CNTLN: variants seen among roughly 807,000 people sequenced by gnomAD.
CNTLN encodes centlein, centrosomal protein.
Under a neutral mutation model 180.0 loss-of-function variants are expected in CNTLN, and 212 were observed. The observed-to-expected ratio is 1.18, with a 90% CI of 1.05 to 1.32. The LOEUF is 1.32. Ranked by LOEUF, CNTLN falls within the 40% of genes most tolerant of loss-of-function variation. The pLI, the probability that CNTLN is intolerant of heterozygous loss-of-function variation, is 0.00. For missense variants in CNTLN, 2,095 were observed against 1,610.9 expected (o/e 1.30, Z -5.14); for synonymous variants, 722 against 563.1 (o/e 1.28, Z -3.99).
At chr9:17,453,534 C>T (rs1476007149) in intron 18 of CNTLN, among the ~76,000 whole-genome samples, 1 of 152,094 alleles carries the variant, frequency 6.6e-6, no homozygotes, top group African/African-American at 2.4e-5. Flanking sequence ...TATTAATTTT[C>T]TGTGCTACAA....
intron 13 of CNTLN, among the ~76,000 whole-genome samples, chr9:17,374,889 G>A (rs1824626350): frequency 1.3e-5 from 2 of 151,842 alleles, no homozygotes; most frequent in South Asian, 4.2e-4. Flanking sequence ...AAGTAGAGCT[G>A]TGATATGATC....
At chr9:17,300,761 C>T (rs1420773119) in intron 7 of CNTLN, 1 of 157,158 alleles carries the variant, frequency 6.4e-6, no homozygotes, top group Non-Finnish European at 1.4e-5. Context: ...TCCGACTCTA[C>T]ATTACCTCTC....
intron 23 of CNTLN, 130 bp downstream of exon 23, chr9:17,467,021 ATT>A: frequency 1.9e-6 from 1 of 518,636 alleles, no homozygotes; most frequent in Non-Finnish European, 3.3e-6. Context: ...CTTCTACCCT[ATT>A]TATCACATTG....
chr9:17,410,354 C>T (rs1434708671), intron 16 of CNTLN, among the ~76,000 whole-genome samples: 1 of 152,014 alleles, frequency 6.6e-6, no homozygotes, highest in Non-Finnish European at 1.5e-5. Context: ...TAGTAAATTG[C>T]CTCTTCAAGT....
the CNTLN span, among the ~76,000 whole-genome samples, chr9:17,515,539 T>C: frequency 6.6e-6 from 1 of 152,160 alleles, no homozygotes; most frequent in African/African-American, 2.4e-5. Context: ...GAGCTGAATT[T>C]GTGCTGCATT....
intron 2 of CNTLN, among the ~76,000 whole-genome samples, chr9:17,145,320 A>C (rs1306816949): frequency 6.6e-6 from 1 of 152,220 alleles, no homozygotes; most frequent in African/African-American, 2.4e-5. Context: ...GGAAACGATA[A>C]GTGGCATTTA....
At chr9:17,141,312 G>T (rs1227466709) in intron 1 of CNTLN, among the ~76,000 whole-genome samples, 1 of 152,146 alleles carries the variant, frequency 6.6e-6, no homozygotes, top group African/African-American at 2.4e-5. Context: ...CTGGAAAAGG[G>T]GTTGCTAGAG....
chr9:17,411,863 G>A (rs911036128), intron 16 of CNTLN, among the ~76,000 whole-genome samples: 1 of 152,126 alleles, frequency 6.6e-6, no homozygotes, highest in Admixed American at 6.5e-5. Flanking sequence ...TTAAGAACCG[G>A]TGACTCCCTC....
intron 9 of CNTLN, 133 bp downstream of exon 9, chr9:17,330,941 G>T (rs1036028189): frequency 1.4e-6 from 1 of 734,174 alleles, no homozygotes; most frequent in African/African-American, 1.8e-5. Flanking sequence ...ATTATGTACC[G>T]AACTCTTGTT....
At chr9:17,413,563 C>G (rs1449361987) in intron 16 of CNTLN, among the ~76,000 whole-genome samples, 1 of 152,010 alleles carries the variant, frequency 6.6e-6, no homozygotes, top group Admixed American at 6.6e-5. Context: ...CAAAACTTAA[C>G]AGGAAGAAAT....
intron 2 of CNTLN, among the ~76,000 whole-genome samples, chr9:17,210,332 C>T (rs181317783): frequency 1.4e-4 from 21 of 152,164 alleles, no homozygotes; most frequent in African/African-American, 3.1e-4. Context: ...TTTGTCCTTG[C>T]GATAGTTTGC....
At chr9:17,468,150 A>G (rs1464180732) in intron 23 of CNTLN, among the ~76,000 whole-genome samples, 1 of 151,646 alleles carries the variant, frequency 6.6e-6, no homozygotes. Flanking sequence ...AGGAAAAACC[A>G]ACACCACATG....
intron 12 of CNTLN, among the ~76,000 whole-genome samples, chr9:17,360,117 A>G (rs1823245121): frequency 6.6e-6 from 1 of 152,144 alleles, no homozygotes; most frequent in African/African-American, 2.4e-5. Flanking sequence ...GTGCCTTACA[A>G]ATTTTGAAGT....
intron 6 of CNTLN, among the ~76,000 whole-genome samples, chr9:17,274,939 G>C (rs563507596): frequency 5.3e-5 from 8 of 152,182 alleles, no homozygotes; most frequent in African/African-American, 1.7e-4. Flanking sequence ...AATGAATTAG[G>C]ACATTAACAG....
chr9:17,251,805 C>G (rs1826159578), intron 5 of CNTLN, among the ~76,000 whole-genome samples: 1 of 151,800 alleles, frequency 6.6e-6, no homozygotes, highest in Non-Finnish European at 1.5e-5. Flanking sequence ...GTATAGGAAC[C>G]TGAGTGTGCT....
intron 19 of CNTLN, among the ~76,000 whole-genome samples, chr9:17,458,158 T>A (rs965237196): frequency 1.3e-5 from 2 of 150,158 alleles, no homozygotes; most frequent in South Asian, 2.1e-4. Flanking sequence ...TCCTTCTCTG[T>A]CTCCAACCAA....
chr9:17,415,181 G>C (rs1006274564), intron 16 of CNTLN, among the ~76,000 whole-genome samples: 1 of 152,050 alleles, frequency 6.6e-6, no homozygotes, highest in Non-Finnish European at 1.5e-5. Flanking sequence ...AGTCAACAAG[G>C]CTTCCTTTTA....
intron 23 of CNTLN, among the ~76,000 whole-genome samples, chr9:17,473,506 G>C (rs1219498214): frequency 6.6e-6 from 1 of 151,136 alleles, no homozygotes; most frequent in African/African-American, 2.4e-5. Flanking sequence ...CAAGGACTTT[G>C]GCCCTGTAGT....
intron 2 of CNTLN, among the ~76,000 whole-genome samples, chr9:17,145,508 ATTTAGG>A (rs1818395052): frequency 6.6e-6 from 1 of 152,210 alleles, no homozygotes; most frequent in Non-Finnish European, 1.5e-5. Flanking sequence ...ATTATGATCC[ATTTAGG>A]TCTGTTTAAT....
Sources: allele counts gnomAD v4.1 joint callset (sites outside exome capture counted in the v4.1 genomes callset), GRCh38; gene constraint gnomAD v4.1.1; transcripts MANE v1.5; gene names NCBI Gene and HGNC (gene_info 2026-07-23, HGNC 2026-07-21).